The following GLIS3 variants were observed in gnomAD, a reference collection of about 807,000 sequenced individuals.
GLIS3 encodes zinc finger protein GLIS3.
A neutral mutation model predicts 78.6 loss-of-function variants in GLIS3; 53 were observed. The observed-to-expected ratio is 0.67, with a 90% CI of 0.54 to 0.85. The LOEUF is 0.85. Ranked by LOEUF, GLIS3 falls within the 40% of genes least tolerant of loss-of-function variation. The probability of loss-of-function intolerance (pLI) is 0.00; values close to 1 mark genes in which losing one functional copy is unlikely to be tolerated. For synonymous variants in GLIS3, 684 were observed against 509.9 expected (o/e 1.34, Z -4.60); for missense variants, 1,703 against 1,231.1 (o/e 1.38, Z -5.74).
intron 4 of GLIS3, among the ~76,000 whole-genome samples, chr9:4,107,463 T>C (rs182052074): frequency 1.3e-5 from 2 of 152,266 alleles, no homozygotes; most frequent in South Asian, 4.1e-4. Context: ...TAGACTCAGA[T>C]TGCAGAGCCA....
At chr9:4,057,017 C>A (rs953303262) in intron 4 of GLIS3, among the ~76,000 whole-genome samples, 1 of 150,030 alleles carries the variant, frequency 6.7e-6, no homozygotes, top group African/African-American at 2.5e-5. Flanking sequence ...GCATTATCTG[C>A]ATGGCCTTAC....
chr9:4,244,458 AAGC>A (rs1256812700), intron 2 of GLIS3, among the ~76,000 whole-genome samples: 1 of 152,380 alleles, frequency 6.6e-6, no homozygotes, highest in East Asian at 1.9e-4. Flanking sequence ...TACAAAAAGA[AAGC>A]AGGTTGTTTA....
the GLIS3 span, among the ~76,000 whole-genome samples, chr9:4,484,871 G>A: frequency 6.6e-6 from 1 of 152,230 alleles, no homozygotes; most frequent in Non-Finnish European, 1.5e-5. Flanking sequence ...AAGGGAGCCT[G>A]AATTCTGCTA....
chr9:3,923,626 G>C (rs1825041616), intron 6 of GLIS3, among the ~76,000 whole-genome samples: 2 of 151,990 alleles, frequency 1.3e-5, no homozygotes, highest in African/African-American at 2.4e-5. Flanking sequence ...AATATATTAG[G>C]GTTGCTAAAT....
chr9:4,070,401 A>G (rs1254978575), intron 4 of GLIS3, among the ~76,000 whole-genome samples: 2 of 152,156 alleles, frequency 1.3e-5, no homozygotes, highest in East Asian at 1.9e-4. Flanking sequence ...CAGACATGTA[A>G]TAAGGCTATG....
chr9:4,090,631 G>A (rs1314356304), intron 4 of GLIS3, among the ~76,000 whole-genome samples: 1 of 152,150 alleles, frequency 6.6e-6, no homozygotes, highest in African/African-American at 2.4e-5. Context: ...CAAGGACACT[G>A]GAATCAGACA....
At chr9:4,173,372 A>G (rs991902528) in intron 2 of GLIS3, among the ~76,000 whole-genome samples, 1 of 151,960 alleles carries the variant, frequency 6.6e-6, no homozygotes, top group Non-Finnish European at 1.5e-5. Flanking sequence ...CTCATCCTCT[A>G]ATTTGTCCCT....
intron 2 of GLIS3, among the ~76,000 whole-genome samples, chr9:4,218,788 C>T (rs1052951089): frequency 1.3e-5 from 2 of 152,216 alleles, no homozygotes; most frequent in African/African-American, 2.4e-5. Context: ...TCATCATCAC[C>T]TTTCTCCTAG....
chr9:4,231,089 A>G (rs1313469959), intron 2 of GLIS3, among the ~76,000 whole-genome samples: 1 of 99,474 alleles, frequency 1.0e-5, no homozygotes, highest in Non-Finnish European at 2.0e-5. Flanking sequence ...AAAAAATAAA[A>G]TAAGATAAAT....
At chr9:3,897,601 C>A (rs1822953191) in intron 7 of GLIS3, among the ~76,000 whole-genome samples, 1 of 152,124 alleles carries the variant, frequency 6.6e-6, no homozygotes, top group Non-Finnish European at 1.5e-5. Flanking sequence ...GCTATGTTGT[C>A]CCCAACAGTA....
At chr9:4,408,132 G>A in the GLIS3 span, among the ~76,000 whole-genome samples, 1 of 152,174 alleles carries the variant, frequency 6.6e-6, no homozygotes, top group Non-Finnish European at 1.5e-5. Flanking sequence ...TAGCAAGAAT[G>A]TGGAGAAAAG....
chr9:4,235,317 C>T (rs75196219), intron 2 of GLIS3, among the ~76,000 whole-genome samples: 4 of 68,006 alleles, frequency 5.9e-5, no homozygotes, highest in Non-Finnish European at 1.1e-4. Context: ...AAAAAAAAAA[C>T]TGATGGGGGG....
At chr9:4,349,930 G>A (rs559458890), upstream of GLIS3, among the ~76,000 whole-genome samples, 2 of 152,228 alleles carry the variant, frequency 1.3e-5, no homozygotes, top group Non-Finnish European at 2.9e-5. Flanking sequence ...GTCCTGGCAA[G>A]AGTGAGATAA....
At chr9:4,404,511 T>G in the GLIS3 span, among the ~76,000 whole-genome samples, 13 of 152,250 alleles carry the variant, frequency 8.5e-5, no homozygotes, top group African/African-American at 3.1e-4. Context: ...TAAAATAATA[T>G]CAAGCATCTT....
At chr9:4,021,388 A>C (rs1822873145) in intron 4 of GLIS3, among the ~76,000 whole-genome samples, 1 of 152,182 alleles carries the variant, frequency 6.6e-6, no homozygotes, top group African/African-American at 2.4e-5. Context: ...TATCCTAATC[A>C]AACTTAGCTA....
chr9:3,910,845 A>G (rs1255864929), intron 6 of GLIS3, among the ~76,000 whole-genome samples: 1 of 152,266 alleles, frequency 6.6e-6, no homozygotes, highest in Non-Finnish European at 1.5e-5. Context: ...CTTGACACAC[A>G]GAAGTCACTT....
At position 4,032,437 on chromosome 9, in the gene GLIS3, C is replaced by CT. The variant is rs546903011; in HGVS notation, c.1710+85330dup. Among the ~76,000 whole-genome samples the CT allele has an allele frequency of 1.8e-3, 270 of 151,658 alleles. 1 individual carries two copies. The highest frequency in any genetic ancestry group is 6.1e-3 in the African/African-American group (254 of 41,350). On this transcript the variant is annotated intron_variant, in intron 4 of 10. Transcript: ENST00000381971. ...ATCTCACTTTCTTCTGCATAGAATG[C>CT]TTTTTTTTCAAAATTTTATATTTTT... is the stretch of plus-strand genomic sequence containing the variant.
At chr9:4,401,613 G>C in the GLIS3 span, among the ~76,000 whole-genome samples, 1 of 150,142 alleles carries the variant, frequency 6.7e-6, no homozygotes, top group East Asian at 2.0e-4. Context: ...TGTCGCCCAG[G>C]CTGGAGTGCA....
At chr9:4,093,431 C>G (rs987281875) in intron 4 of GLIS3, among the ~76,000 whole-genome samples, 4 of 152,198 alleles carry the variant, frequency 2.6e-5, no homozygotes, top group African/African-American at 4.8e-5. Flanking sequence ...GACTCAGAGA[C>G]TCGGTACTTC....
Sources: gnomAD v4.1 joint callset for allele counts (sites outside exome capture counted in the v4.1 genomes callset) on GRCh38, gnomAD v4.1.1 for gene constraint, MANE v1.5 for transcripts, NCBI Gene and HGNC (gene_info 2026-07-23, HGNC 2026-07-21) for gene names.